Variants in AKAP8 observed in about 807,000 individuals in gnomAD.
AKAP8 encodes A-kinase anchoring protein 8, also known as A-kinase anchor protein 8.
Under a neutral mutation model 67.5 loss-of-function variants are expected in AKAP8, and 24 were observed. The ratio of observed to expected loss-of-function variants is 0.36; its 90% confidence interval spans 0.26 to 0.50. The LOEUF (loss-of-function observed/expected upper bound fraction) is 0.50, where lower values mean the gene tolerates loss of function less well. AKAP8 is among the 20% of genes least tolerant of loss of function. AKAP8 has a pLI of 0.97. For synonymous variants in AKAP8, 400 were observed against 371.1 expected (o/e 1.08, Z -0.90); for missense variants, 971 against 955.9 (o/e 1.02, Z -0.21).
chr19:15,374,723 C>A, intron 2 of AKAP8, 88 bp from the exon 3 acceptor site: 2 of 1,505,884 alleles, frequency 1.3e-6, no homozygotes, highest in Non-Finnish European at 1.8e-6. Context: ...CCCTCCACAG[C>A]CCCAGGGCCA....
intron 5 of AKAP8, 44 bp from the exon 6 acceptor site, chr19:15,372,391 T>C (rs370035244): frequency 2.5e-6 from 4 of 1,601,818 alleles, no homozygotes; most frequent in Admixed American, 3.3e-5. Flanking sequence ...ACGAGGGCCA[T>C]GAAGATGCCC....
At chr19:15,365,253 C>T (rs1394378481) in intron 9 of AKAP8, among the ~76,000 whole-genome samples, 1 of 152,204 alleles carries the variant, frequency 6.6e-6, no homozygotes, top group East Asian at 1.9e-4. Flanking sequence ...AGACAAAACA[C>T]CTCGCACAAT....
At chr19:15,368,521 A>C (rs1967105173) in intron 8 of AKAP8, 199 bp from the exon 9 acceptor site, 1 of 985,298 alleles carries the variant, frequency 1.0e-6, no homozygotes, top group Non-Finnish European at 1.2e-6. Flanking sequence ...AGCCCGGAGT[A>C]GTCACCAAAC....
At chr19:15,370,531 T>TA (rs1218402786) in intron 7 of AKAP8, among the ~76,000 whole-genome samples, 14 of 151,978 alleles carry the variant, frequency 9.2e-5, no homozygotes, top group South Asian at 2.1e-4. Flanking sequence ...CGTAGGGAGA[T>TA]AGAGTCTCAC....
Position 15,372,965 on chromosome 19 carries a change from G to A in AKAP8, c.747C>T (p.Ser249=), listed in dbSNP as rs749200774. The A allele has an allele frequency of 1.1e-5, 17 of 1,559,984 alleles. No homozygotes were observed. The highest frequency in any genetic ancestry group is 6.1e-6 in the Non-Finnish European group (7 of 1,153,228). ...SPSRPPPSLF[S]QSMAPDYGVM... is the part of the protein sequence containing the mutation. ...CGCCGTAGTCGGGAGCCATGGACTG[G>A]GAGAAGAGGGACGGAGGTGGCCGGC... Residue 249 remains serine (S), a synonymous_variant, in exon 5 of 14, where the codon TCC becomes TCT. Coordinates refer to ENST00000269701, the MANE Select transcript of AKAP8 (RefSeq NM_005858.4).
At chr19:15,370,244 C>G (rs550289387) in intron 7 of AKAP8, 65 bp from the exon 8 acceptor site, 4 of 1,587,830 alleles carry the variant, frequency 2.5e-6, no homozygotes, top group Non-Finnish European at 2.6e-6. Flanking sequence ...ACAACCAGCC[C>G]AGTCCCTGGC....
chr19:15,354,902 A>G lies in AKAP8; in HGVS notation c.*13T>C, dbSNP rs1280274240. ...ATCATCCCAACGCCTTCCCTGGAAC[A>G]GGGAAATGAGCATCATTCTGTGGGA... On this transcript the variant is annotated 3_prime_UTR_variant, in exon 14 of 14. Coordinates refer to ENST00000269701, the MANE Select transcript of AKAP8 (RefSeq NM_005858.4). The G allele has an allele frequency of 6.2e-7, 1 of 1,611,560 alleles. No individual in the cohort carries two copies.
intron 8 of AKAP8, 73 bp from the exon 9 acceptor site, chr19:15,368,395 G>A: frequency 6.2e-7 from 1 of 1,605,342 alleles, no homozygotes; most frequent in Admixed American, 1.7e-5. Context: ...CCTGGTCGGG[G>A]GGCTGCAGCT....
intron 12 of AKAP8, 75 bp from the exon 13 acceptor site, chr19:15,359,137 C>A: frequency 7.3e-7 from 1 of 1,374,044 alleles, no homozygotes; most frequent in East Asian, 2.3e-5. Context: ...CAGGCTCTGC[C>A]GAGTCATCCT....
At chr19:15,361,642 G>A (rs770883046) in intron 11 of AKAP8, 87 bp downstream of exon 11, 17 of 1,227,610 alleles carry the variant, frequency 1.4e-5, no homozygotes, top group East Asian at 2.4e-5. Context: ...GTGAGCCACC[G>A]TGCCCGGCCT....
At chr19:15,360,802 C>T in intron 12 of AKAP8, 46 bp downstream of exon 12, 2 of 1,583,758 alleles carry the variant, frequency 1.3e-6, no homozygotes, top group South Asian at 1.1e-5. Flanking sequence ...CTCTGAGCCG[C>T]AGCCCTGCAA....
chr19:15,363,550 C>T (rs1161322867), intron 9 of AKAP8, among the ~76,000 whole-genome samples: 3 of 147,388 alleles, frequency 2.0e-5, no homozygotes, highest in East Asian at 2.1e-4. Context: ...TCAGCCCCCT[C>T]GCCCAGCCAG....
At chr19:15,368,208 C>T (rs1967099022) in intron 9 of AKAP8, 27 bp downstream of exon 9, 1 of 1,608,576 alleles carries the variant, frequency 6.2e-7, no homozygotes, top group African/African-American at 1.3e-5. Flanking sequence ...CCACCTCCTC[C>T]TGTGGGGTCG....
intron 1 of AKAP8, 82 bp downstream of exon 1, chr19:15,379,630 CG>C (rs1227873704): frequency 2.0e-6 from 3 of 1,501,838 alleles, no homozygotes; most frequent in Non-Finnish European, 2.7e-6. Context: ...GACGAAGGCC[CG>C]GCCGGCGGCA....
chr19:15,374,077 G>T lies in AKAP8; in HGVS notation c.92-12C>A. 6.5e-7 allele frequency: 1 copy of T among 1,536,490 alleles called. No homozygotes were observed. Among genetic ancestry groups the T allele is most frequent in the Non-Finnish European group, 8.7e-7 (1 of 1,144,188 alleles). On this transcript the variant is annotated splice_polypyrimidine_tract_variant and intron_variant, in intron 3 of 13. Transcript: ENST00000269701. ...GTAGTTTTCATAACCTGTCACAGGG[G>T]GAGGAGCCAAGTCAGACTTCAGCAG... is the stretch of plus-strand genomic sequence containing the variant.
chr19:15,362,932 C>A (rs1966997003), intron 9 of AKAP8, among the ~76,000 whole-genome samples: 1 of 151,958 alleles, frequency 6.6e-6, no homozygotes, highest in Non-Finnish European at 1.5e-5. Context: ...TTCCCGGCCG[C>A]CATCACATCT....
At chr19:15,356,461 A>G (rs996608345) in intron 13 of AKAP8, among the ~76,000 whole-genome samples, 23 of 151,466 alleles carry the variant, frequency 1.5e-4, no homozygotes, top group Non-Finnish European at 2.4e-4. Flanking sequence ...GGAAGTTAAC[A>G]CTACGTAATA....
intron 12 of AKAP8, 58 bp from the exon 13 acceptor site, chr19:15,359,120 A>C: frequency 6.6e-7 from 1 of 1,507,534 alleles, no homozygotes; most frequent in Non-Finnish European, 9.2e-7. Context: ...GAAGAGAATA[A>C]ACCAGCCAGG....
intron 8 of AKAP8, chr19:15,368,851 C>G: frequency 1.0e-6 from 1 of 985,290 alleles, no homozygotes; most frequent in Non-Finnish European, 1.2e-6. Context: ...CGACCTCTAT[C>G]TTCCACTCAC....
Sources: gnomAD v4.1 joint callset for allele counts (sites outside exome capture counted in the v4.1 genomes callset) on GRCh38, gnomAD v4.1.1 for gene constraint, MANE v1.5 for transcripts, NCBI Gene and HGNC (gene_info 2026-07-23, HGNC 2026-07-21) for gene names.